Variants in UTY observed in about 807,000 individuals in gnomAD.
UTY encodes ubiquitously transcribed tetratricopeptide repeat containing, Y-linked.
A neutral mutation model predicts 32.5 loss-of-function variants in UTY; 12 were observed. That is an observed-to-expected ratio of 0.37 (90% CI 0.24 to 0.60). The LOEUF is 0.60. UTY is among the 20% of genes least tolerant of loss of function. The pLI is 0.69. For missense variants in UTY, 303 were observed against 299.2 expected (o/e 1.01, Z -0.09); for synonymous variants, 131 against 103.4 (o/e 1.27, Z -1.62).
intron 18 of UTY, among the ~76,000 whole-genome samples, chrY:13,333,330 C>G (rs1052127529): frequency 6.0e-5 from 2 of 33,442 alleles, no homozygotes; most frequent in Non-Finnish European, 1.5e-4. Context: ...TCAAACTATA[C>G]TACCAGGCTA....
chrY:13,415,544 C>T, intron 4 of UTY, among the ~76,000 whole-genome samples: 1 of 33,489 alleles, frequency 3.0e-5, no homozygotes, highest in African/African-American at 1.2e-4. Context: ...AACAGTGGTC[C>T]CACAGGACTA....
chrY:13,456,108 T>G, intron 3 of UTY, among the ~76,000 whole-genome samples: 1 of 32,339 alleles, frequency 3.1e-5, no homozygotes, highest in African/African-American at 1.2e-4. Flanking sequence ...TTAAGGAGCT[T>G]CAGACTCCAT....
chrY:13,331,458 A>G (rs2060686600), intron 18 of UTY, among the ~76,000 whole-genome samples: 1 of 34,273 alleles, frequency 2.9e-5, no homozygotes, highest in Non-Finnish European at 7.3e-5. Context: ...TCAAAGGCAG[A>G]TAAATCCACG....
At chrY:13,437,859 A>T (rs2074773319) in intron 4 of UTY, among the ~76,000 whole-genome samples, 1 of 33,201 alleles carries the variant, frequency 3.0e-5, no homozygotes, top group Non-Finnish European at 7.4e-5. Flanking sequence ...TCAAAAAAAA[A>T]GCTCCAAAAA....
chrY:13,288,913 T>C (rs964641566), intron 27 of UTY, among the ~76,000 whole-genome samples: 3 of 33,317 alleles, frequency 9.0e-5, no homozygotes, highest in Non-Finnish European at 1.5e-4. Context: ...AGGCAAGTAG[T>C]TGAGGATATA....
chrY:13,307,718 C>T (rs914995403), intron 21 of UTY, among the ~76,000 whole-genome samples: 8 of 32,744 alleles, frequency 2.4e-4, no homozygotes, highest in South Asian at 1.4e-3. Context: ...ATATAATTTA[C>T]GGTTCAATAA....
At chrY:13,342,210 C>T (rs2061544851) in intron 17 of UTY, among the ~76,000 whole-genome samples, 1 of 33,195 alleles carries the variant, frequency 3.0e-5, no homozygotes, top group African/African-American at 1.2e-4. Flanking sequence ...GACACCAGTG[C>T]GAATCGGTCA....
chrY:13,350,132 C>T, intron 17 of UTY, among the ~76,000 whole-genome samples: 1 of 33,917 alleles, frequency 2.9e-5, no homozygotes, highest in Non-Finnish European at 7.3e-5. Flanking sequence ...TTGGACTTCT[C>T]AATCTCCAAA....
intron 8 of UTY, among the ~76,000 whole-genome samples, chrY:13,387,169 T>TA (rs2066938241): frequency 6.8e-5 from 2 of 29,623 alleles, no homozygotes; most frequent in African/African-American, 1.3e-4. Flanking sequence ...AAACATAAGT[T>TA]AAAAAAAAAA....
intron 4 of UTY, among the ~76,000 whole-genome samples, chrY:13,418,448 T>C: frequency 3.1e-5 from 1 of 32,753 alleles, no homozygotes; most frequent in African/African-American, 1.2e-4. Context: ...CTGGGTCAAA[T>C]GGTATTTCTA....
intron 23 of UTY, 43 bp downstream of exon 23, chrY:13,305,995 T>C (rs1298100274): frequency 2.8e-6 from 1 of 361,991 alleles, no homozygotes; most frequent in Non-Finnish European, 4.0e-6. Context: ...AATACCCTCA[T>C]TGATTCAGTT....
At chrY:13,356,451 G>A in intron 15 of UTY, among the ~76,000 whole-genome samples, 1 of 29,644 alleles carries the variant, frequency 3.4e-5, no homozygotes, top group Admixed American at 3.0e-4. Flanking sequence ...CACCACGCCC[G>A]GCCCCGATAG....
intron 17 of UTY, among the ~76,000 whole-genome samples, chrY:13,341,296 GA>G (rs2061466018): frequency 3.0e-5 from 1 of 33,202 alleles, no homozygotes; most frequent in Non-Finnish European, 7.4e-5. Flanking sequence ...GAGGCCAAGA[GA>G]AAAGCTAGAT....
In UTY at chrY:13,479,731, T is replaced by G; in HGVS notation, c.-66A>C. ...TTAATCGAGTAGTTGAAAAGACGCC[T>G]TCAATCGCTGCTTGAGACTGTGACG... On this transcript the variant is annotated 5_prime_UTR_variant, in exon 1 of 30. Coordinates refer to ENST00000545955, the MANE Select transcript of UTY (RefSeq NM_001258249.2). The G allele has an allele frequency of 2.7e-6, 1 of 370,966 alleles. No homozygotes were observed. The highest frequency in any genetic ancestry group is 3.3e-5 in the South Asian group (1 of 30,750). The allele number at this position is 370,966 out of a possible 400,897, so 92.5% of individuals were successfully genotyped here. A position where few individuals can be genotyped will look rare whatever the true frequency, so the allele number is the denominator to read the frequency against.
At chrY:13,476,104 G>C in intron 2 of UTY, 1 of 221,533 alleles carries the variant, frequency 4.5e-6, no homozygotes, top group African/African-American at 8.5e-5. Flanking sequence ...ACTGTGCCTA[G>C]ATATCAAAAT....
chrY:13,451,681 T>A, intron 3 of UTY, among the ~76,000 whole-genome samples: 4 of 33,325 alleles, frequency 1.2e-4, no homozygotes, highest in African/African-American at 4.7e-4. Context: ...AACCACCTAC[T>A]CTACACAAAG....
chrY:13,301,539 A>G (rs2058372610), intron 25 of UTY, among the ~76,000 whole-genome samples: 1 of 33,495 alleles, frequency 3.0e-5, no homozygotes, highest in Non-Finnish European at 7.4e-5. Flanking sequence ...TTAACTTTTT[A>G]GATATCACAT....
intron 7 of UTY, chrY:13,396,397 G>GT (rs2068239233): frequency 6.0e-5 from 2 of 33,138 alleles, no homozygotes; most frequent in Non-Finnish European, 1.5e-4. Flanking sequence ...TTTTAAACAT[G>GT]TTTTTTTCCC....
At chrY:13,445,627 A>G in intron 4 of UTY, among the ~76,000 whole-genome samples, 4 of 31,796 alleles carry the variant, frequency 1.3e-4, no homozygotes, top group African/African-American at 3.7e-4. Flanking sequence ...TTAATAAAGT[A>G]TATTATCATC....
Sources: allele counts gnomAD v4.1 joint callset (sites outside exome capture counted in the v4.1 genomes callset), GRCh38; gene constraint gnomAD v4.1.1; transcripts MANE v1.5; gene names NCBI Gene and HGNC (gene_info 2026-07-23, HGNC 2026-07-21).